The following PCDHGA10 variants were observed in gnomAD, a reference collection of about 807,000 sequenced individuals.
PCDHGA10 encodes the protein protocadherin gamma subfamily A, 10.
Under a neutral mutation model 59.5 loss-of-function variants are expected in PCDHGA10, and 42 were observed. The ratio of observed to expected loss-of-function variants is 0.71; its 90% CI spans 0.55 to 0.91. The LOEUF (loss-of-function observed/expected upper bound fraction) is 0.91. Among genes scored for constraint, PCDHGA10 ranks in the 40% least tolerant of loss-of-function variants. PCDHGA10 has a pLI of 0.00. For synonymous variants in PCDHGA10, 511 were observed against 517.2 expected (o/e 0.99, Z 0.16); for missense variants, 1,111 against 1,198.2 (o/e 0.93, Z 1.07).
intron 1 of PCDHGA10, among the ~76,000 whole-genome samples, chr5:141,482,689 C>T (rs145383957): frequency 7.1e-6 from 1 of 140,984 alleles, no homozygotes; most frequent in East Asian, 1.9e-4. Flanking sequence ...GCTTGTCAGA[C>T]AGTAAAGGGG....
At chr5:141,459,710 C>T (rs2098973565) in intron 1 of PCDHGA10, among the ~76,000 whole-genome samples, 1 of 152,204 alleles carries the variant, frequency 6.6e-6, no homozygotes, top group Non-Finnish European at 1.5e-5. Flanking sequence ...CATTTTCTCA[C>T]CAATGCTTCC....
rs777058727 is a variant in PCDHGA10 at position 141,431,947 on chromosome 5, A to G, written c.2436+16336A>G. 6 of 1,614,052 alleles carry G rather than the reference A, an allele frequency of 3.7e-6. No homozygotes were observed. The highest frequency in any genetic ancestry group is 2.2e-5 in the East Asian group (1 of 44,894). ...GAAATCTGCCCTTTAAATTAGAAAAATCTTACGGAAATTACTATAGTTTAG... is the reference window on the plus strand; with the variant it reads ...GAAATCTGCCCTTTAAATTAGAAAAGTCTTACGGAAATTACTATAGTTTAG... On this transcript the variant is annotated intron_variant, in intron 1 of 3. Transcript: ENST00000398610. This position sits in a 1 kb window ranked among gnomAD's most constrained non-coding sequence, Gnocchi z 4.8.
chr5:141,431,071 A>G lies in PCDHGA10; in HGVS notation c.2436+15460A>G. The G allele has an allele frequency of 6.2e-7, 1 of 1,614,244 alleles. No homozygotes were observed. On this transcript the variant is annotated intron_variant, in intron 1 of 3. Coordinates refer to ENST00000398610, the MANE Select transcript of PCDHGA10 (RefSeq NM_018913.3). The surrounding 1 kb of genome is among the most constrained non-coding windows in gnomAD (Gnocchi z 4.8). ...GTATGGGGGCCATCAAGTGTCAATTAAATCTAGACATTCTGATGGAGGATA... is the reference window on the plus strand; with the variant it reads ...GTATGGGGGCCATCAAGTGTCAATTGAATCTAGACATTCTGATGGAGGATA...
chr5:141,423,777 T>A, intron 1 of PCDHGA10: 1 of 1,159,844 alleles, frequency 8.6e-7, no homozygotes, highest in Non-Finnish European at 1.1e-6. Flanking sequence ...GGCATATATT[T>A]AGTTCATATA....
Position 141,490,563 on chromosome 5 carries a change from G to C in PCDHGA10, c.2437-4244G>C. On this transcript the variant is annotated intron_variant, in intron 1 of 3. Coordinates refer to ENST00000398610, the MANE Select transcript of PCDHGA10 (RefSeq NM_018913.3). This position sits in a 1 kb window ranked among gnomAD's most constrained non-coding sequence, Gnocchi z 5.4. ...CCCTACACAAACATCTCACCATCAG[G>C]CTCAACATTTCAGATGTCAATGACA... 1 of 1,614,022 alleles carries C rather than the reference G, an allele frequency of 6.2e-7. No individual in the cohort carries two copies. Among genetic ancestry groups the C allele is most frequent in the Non-Finnish European group, 8.5e-7 (1 of 1,180,008 alleles).
chr5:141,477,344 A>C lies in PCDHGA10; in HGVS notation c.2437-17463A>C. On this transcript the variant is annotated intron_variant, in intron 1 of 3. Coordinates refer to ENST00000398610, the MANE Select transcript of PCDHGA10 (RefSeq NM_018913.3). The surrounding 1 kb of genome is among the most constrained non-coding windows in gnomAD (Gnocchi z 4.9). Reference sequence around the variant, plus strand: ...TTCCCTCAAGAATTACTTCACTTTGAAAACCAGTGCAGACCTGGATCGGGA... The same window carrying C: ...TTCCCTCAAGAATTACTTCACTTTGCAAACCAGTGCAGACCTGGATCGGGA... 6.2e-7 allele frequency: 1 copy of C among 1,614,154 alleles called. No homozygotes were observed. The highest frequency in any genetic ancestry group is 8.5e-7 in the Non-Finnish European group (1 of 1,180,034).
chr5:141,476,366 G>T lies in PCDHGA10; in HGVS notation c.2437-18441G>T, dbSNP rs1025903110. The T allele has an allele frequency of 6.2e-7, 1 of 1,614,026 alleles. No individual in the cohort carries two copies. The highest frequency in any genetic ancestry group is 8.5e-7 in the Non-Finnish European group (1 of 1,180,028). On this transcript the variant is annotated intron_variant, in intron 1 of 3. Coordinates refer to ENST00000398610, the MANE Select transcript of PCDHGA10 (RefSeq NM_018913.3). The surrounding 1 kb of genome is among the most constrained non-coding windows in gnomAD (Gnocchi z 7.6). The stretch of plus-strand genomic sequence containing the variant: ...ATTCTTTGAGGTGAACCGGGAGACC[G>T]GAGAGATGTTTGTGAACGACCGTCT...
At position 141,486,418 on chromosome 5, in the gene PCDHGA10, A is replaced by G. The variant is rs1174910867; in HGVS notation, c.2437-8389A>G. On this transcript the variant is annotated intron_variant, in intron 1 of 3. Transcript: ENST00000398610. This position sits in a 1 kb window ranked among gnomAD's most constrained non-coding sequence, Gnocchi z 5.0. ...TGGTGACTGCTGGACCCTTGGATCG[A>G]GAGGCCAAATCTAGCTATGACATCA... is the stretch of plus-strand genomic sequence containing the variant. The G allele has an allele frequency of 3.7e-6, 6 of 1,614,176 alleles. No individual in the cohort carries two copies. Among genetic ancestry groups the G allele is most frequent in the Non-Finnish European group, 5.1e-6 (6 of 1,180,020 alleles).
intron 1 of PCDHGA10, chr5:141,422,984 G>A (rs752694873): frequency 4.5e-5 from 73 of 1,614,112 alleles, no homozygotes; most frequent in Non-Finnish European, 5.9e-5. Flanking sequence ...GCGGAACCTG[G>A]CTACCTGGTG....
intron 1 of PCDHGA10, among the ~76,000 whole-genome samples, chr5:141,424,906 A>T (rs1417615946): frequency 5.9e-5 from 9 of 152,212 alleles, no homozygotes. Context: ...GATCACAGGA[A>T]TCATTTCCAT....
intron 1 of PCDHGA10, among the ~76,000 whole-genome samples, chr5:141,475,732 C>T (rs2099367914): frequency 6.6e-6 from 1 of 152,248 alleles, no homozygotes; most frequent in Non-Finnish European, 1.5e-5. Context: ...GCTGGCTTTC[C>T]CTAAGGTAGG....
In PCDHGA10 at chr5:141,490,490, C is replaced by A. The variant is rs886264588; in HGVS notation, c.2437-4317C>A. The A allele has an allele frequency of 1.2e-6, 2 of 1,614,184 alleles. No individual in the cohort carries two copies. Among genetic ancestry groups the A allele is most frequent in the Non-Finnish European group, 1.7e-6 (2 of 1,180,028 alleles). ...AGCCAGCCTTTGGACCGGGAGGCCA[C>A]ATCCCACTATATCATCGAGCTGCTG... On this transcript the variant is annotated intron_variant, in intron 1 of 3. Transcript: ENST00000398610. The surrounding 1 kb of genome is among the most constrained non-coding windows in gnomAD (Gnocchi z 5.4).
In PCDHGA10 at chr5:141,486,959, G is replaced by A. The variant is rs1161675143; in HGVS notation, c.2437-7848G>A. The A allele has an allele frequency of 1.9e-6, 3 of 1,614,098 alleles. No individual in the cohort carries two copies. In the African/African-American group the frequency reaches 4.0e-5, roughly 22 times the overall value. On this transcript the variant is annotated intron_variant, in intron 1 of 3. Transcript: ENST00000398610. The surrounding 1 kb of genome is among the most constrained non-coding windows in gnomAD (Gnocchi z 5.0). ...CCACCTAATCACAAAGGTGACTGCTGTGGACTTGGATTCAGGTTACAATGC... is the reference window on the plus strand; with the variant it reads ...CCACCTAATCACAAAGGTGACTGCTATGGACTTGGATTCAGGTTACAATGC...
intron 1 of PCDHGA10, among the ~76,000 whole-genome samples, chr5:141,464,402 G>T (rs900750443): frequency 6.6e-6 from 1 of 150,722 alleles, no homozygotes; most frequent in African/African-American, 2.4e-5. Context: ...AAGAACCTGA[G>T]ATATATATAT....
rs1224625072 is a variant in PCDHGA10 at position 141,490,972 on chromosome 5, C to A, written c.2437-3835C>A. On this transcript the variant is annotated intron_variant, in intron 1 of 3. Transcript: ENST00000398610. The surrounding 1 kb of genome is among the most constrained non-coding windows in gnomAD (Gnocchi z 5.4). ...AGACTGGGAACACTCAGCCCCCCAG[C>A]GTCTCCCTCGCTCTGCTCCTCCTGG... is the stretch of plus-strand genomic sequence containing the variant. 2 of 1,613,912 alleles carry A rather than the reference C, an allele frequency of 1.2e-6. No individual in the cohort carries two copies. Among genetic ancestry groups the A allele is most frequent in the Non-Finnish European group, 1.7e-6 (2 of 1,179,922 alleles).
intron 1 of PCDHGA10, chr5:141,478,134 C>A (rs2099431418): frequency 6.2e-7 from 1 of 1,614,074 alleles, no homozygotes; most frequent in African/African-American, 1.3e-5. Flanking sequence ...TCTCCTGAAG[C>A]CCGAGCCGAG....
At chr5:141,460,909 G>A (rs1473458228) in intron 1 of PCDHGA10, among the ~76,000 whole-genome samples, 4 of 123,246 alleles carry the variant, frequency 3.2e-5, no homozygotes, top group Non-Finnish European at 6.6e-5. Context: ...AATATTCCAT[G>A]GTGTATATAT....
intron 1 of PCDHGA10, among the ~76,000 whole-genome samples, chr5:141,462,993 T>A (rs1350208420): frequency 1.3e-5 from 2 of 152,164 alleles, no homozygotes; most frequent in African/African-American, 4.8e-5. Flanking sequence ...TTGGGCTAAT[T>A]TAGACCTACC....
At position 141,414,334 on chromosome 5, in the gene PCDHGA10, AC is replaced by A. The variant is rs1187631098; in HGVS notation, c.1161del (p.Cys388ValfsTer11). On this transcript the variant is annotated frameshift_variant, in exon 1 of 4. Transcript: ENST00000398610. LOFTEE classifies it high-confidence loss of function. ...DLDSEQNGQV[T>X]CSILAYLPFK... is the part of the protein sequence containing the mutation. The stretch of plus-strand genomic sequence containing the variant: ...AGACTCTGAGCAGAATGGACAGGTA[AC>A]CTGTTCCATTTTGGCGTATCTACCA... 2 of 1,613,782 alleles carry A rather than the reference AC, an allele frequency of 1.2e-6. No homozygotes were observed. Among genetic ancestry groups the A allele is most frequent in the South Asian group, 2.2e-5 (2 of 91,066 alleles).
Sources: gnomAD v4.1 joint callset for allele counts (sites outside exome capture counted in the v4.1 genomes callset) on GRCh38, gnomAD v4.1.1 for gene constraint, Gnocchi (gnomAD v3.1) non-coding constraint, MANE v1.5 for transcripts, NCBI Gene and HGNC (gene_info 2026-07-23, HGNC 2026-07-21) for gene names.